Variants in ASIC2 observed in about 807,000 individuals in gnomAD.
The protein encoded by ASIC2 is acid-sensing ion channel 2.
A neutral mutation model predicts 57.3 loss-of-function variants in ASIC2; 25 were observed. The ratio of observed to expected loss-of-function variants is 0.44; its 90% confidence interval spans 0.32 to 0.61. The LOEUF is 0.61. ASIC2 is among the 20% of genes least tolerant of loss of function. The probability of loss-of-function intolerance (pLI) is 0.06; values close to 1 mark genes in which losing one functional copy is unlikely to be tolerated. For missense variants in ASIC2, 641 were observed against 738.1 expected, an observed-to-expected ratio of 0.87 and a Z score of 1.52; for synonymous variants, 319 against 307.5, an observed-to-expected ratio of 1.04 and a Z score of -0.39.
chr17:33,943,803 T>G (rs761785090), intron 1 of ASIC2, among the ~76,000 whole-genome samples: 2 of 152,154 alleles, frequency 1.3e-5, no homozygotes, highest in Non-Finnish European at 2.9e-5. Flanking sequence ...ACCTGATCTC[T>G]TAATCCACAC....
intron 1 of ASIC2, among the ~76,000 whole-genome samples, chr17:33,441,915 T>C (rs966607821): frequency 6.6e-6 from 1 of 152,170 alleles, no homozygotes; most frequent in Non-Finnish European, 1.5e-5. Context: ...TTAAAATCTG[T>C]CCTTATTTTG....
intron 1 of ASIC2, among the ~76,000 whole-genome samples, chr17:33,784,600 C>G (rs1911550396): frequency 6.6e-6 from 1 of 152,116 alleles, no homozygotes; most frequent in African/African-American, 2.4e-5. Flanking sequence ...TGCAATACAT[C>G]ATTGCAACAA....
At chr17:34,020,178 C>T (rs1012075918) in intron 1 of ASIC2, among the ~76,000 whole-genome samples, 2 of 152,156 alleles carry the variant, frequency 1.3e-5, no homozygotes, top group African/African-American at 2.4e-5. Flanking sequence ...TGACCAAAGT[C>T]ATTATTTTTA....
intron 1 of ASIC2, among the ~76,000 whole-genome samples, chr17:33,577,736 G>C (rs779337249): frequency 6.6e-6 from 1 of 152,080 alleles, no homozygotes. Flanking sequence ...TCCCAGATAT[G>C]ACTGCTCAGC....
At chr17:33,811,246 T>G (rs1170387549) in intron 1 of ASIC2, among the ~76,000 whole-genome samples, 4 of 152,232 alleles carry the variant, frequency 2.6e-5, no homozygotes. Flanking sequence ...CTTCTGGCCC[T>G]GCTCTTCATT....
chr17:33,640,786 T>C (rs1204304752), intron 1 of ASIC2, among the ~76,000 whole-genome samples: 1 of 152,170 alleles, frequency 6.6e-6, no homozygotes, highest in Non-Finnish European at 1.5e-5. Context: ...GAGTCCCTCG[T>C]AGGTATTGCT....
At chr17:34,065,168 T>C (rs1311974813) in intron 1 of ASIC2, among the ~76,000 whole-genome samples, 8 of 152,176 alleles carry the variant, frequency 5.3e-5, no homozygotes, top group Admixed American at 5.2e-4. Flanking sequence ...AATTGTGGCA[T>C]ATATATGTGA....
intron 1 of ASIC2, among the ~76,000 whole-genome samples, chr17:33,141,346 T>C (rs1284229992): frequency 6.6e-6 from 1 of 152,248 alleles, no homozygotes; most frequent in African/African-American, 2.4e-5. Flanking sequence ...AGCTTTCTTT[T>C]ACAGGTTGTT....
intron 1 of ASIC2, among the ~76,000 whole-genome samples, chr17:34,097,253 G>A (rs1013814578): frequency 5.9e-5 from 9 of 152,090 alleles, no homozygotes; most frequent in South Asian, 2.1e-4. Flanking sequence ...GTTAGAAAAG[G>A]AGGGCATACG....
At position 33,341,105 on chromosome 17, in the gene ASIC2, G is replaced by A. The variant is rs117449178; in HGVS notation, c.556-229038C>T. Among the ~76,000 whole-genome samples, 92 of 152,280 alleles carry A rather than the reference G, an allele frequency of 6.0e-4. No homozygotes were observed. The East Asian group carries it at 8.1e-3, about 13-fold the overall frequency. The stretch of plus-strand genomic sequence containing the variant: ...TTTCCTTAAGTTTTGGATTTGCAGC[G>A]ATCTTTAAGGTATCCAATCCAGTGG... On this transcript the variant is annotated intron_variant, in intron 1 of 9. Transcript: ENST00000359872.
intron 1 of ASIC2, among the ~76,000 whole-genome samples, chr17:33,750,666 T>C (rs1910403461): frequency 6.6e-6 from 1 of 152,146 alleles, no homozygotes; most frequent in South Asian, 2.1e-4. Flanking sequence ...GTTTTTCTGT[T>C]TATAATGCTT....
chr17:33,120,883 GA>G (rs1263389263), intron 1 of ASIC2, among the ~76,000 whole-genome samples: 2 of 152,068 alleles, frequency 1.3e-5, no homozygotes, highest in African/African-American at 2.4e-5. Flanking sequence ...TTGGGTGAAG[GA>G]AAAAAAGCTA....
chr17:33,552,617 G>A (rs1261093468), intron 1 of ASIC2, among the ~76,000 whole-genome samples: 1 of 152,142 alleles, frequency 6.6e-6, no homozygotes, highest in Admixed American at 6.5e-5. Flanking sequence ...CATGAGTGAG[G>A]GTGAGACAAT....
intron 1 of ASIC2, among the ~76,000 whole-genome samples, chr17:33,165,424 G>T (rs1470162230): frequency 2.0e-5 from 3 of 152,074 alleles, no homozygotes; most frequent in African/African-American, 7.2e-5. Context: ...TCTTGGGTCG[G>T]GTTTTCTAAG....
chr17:33,424,174 CT>C (rs559862104), intron 1 of ASIC2, among the ~76,000 whole-genome samples: 3 of 152,180 alleles, frequency 2.0e-5, no homozygotes, highest in Non-Finnish European at 4.4e-5. Context: ...GTTCTGGTCA[CT>C]GCCCACACTG....
intron 1 of ASIC2, among the ~76,000 whole-genome samples, chr17:33,664,125 C>G (rs143069700): frequency 6.6e-6 from 1 of 152,202 alleles, no homozygotes; most frequent in Non-Finnish European, 1.5e-5. Flanking sequence ...ACACTTACGA[C>G]GTCAGCCTTG....
intron 1 of ASIC2, among the ~76,000 whole-genome samples, chr17:33,404,273 C>T (rs1332353287): frequency 6.6e-6 from 1 of 152,190 alleles, no homozygotes; most frequent in Non-Finnish European, 1.5e-5. Flanking sequence ...TTGCACAACT[C>T]TGTAAGTTTA....
chr17:33,230,430 C>A (rs897890244), intron 1 of ASIC2, among the ~76,000 whole-genome samples: 2 of 152,192 alleles, frequency 1.3e-5, no homozygotes, highest in African/African-American at 4.8e-5. Flanking sequence ...TGACCAAGGG[C>A]AACACCTGCC....
At chr17:33,283,663 G>T (rs147153390) in intron 1 of ASIC2, among the ~76,000 whole-genome samples, 77 of 152,314 alleles carry the variant, frequency 5.1e-4, no homozygotes, top group African/African-American at 1.8e-3. Context: ...GGCCTTAAGA[G>T]ACCTTAATTC....
Sources: gnomAD v4.1 joint callset for allele counts (sites outside exome capture counted in the v4.1 genomes callset) on GRCh38, gnomAD v4.1.1 for gene constraint, MANE v1.5 for transcripts, NCBI Gene and HGNC (gene_info 2026-07-23, HGNC 2026-07-21) for gene names.